DLG2: variants seen among roughly 807,000 people sequenced by gnomAD.
The protein encoded by DLG2 is disks large homolog 2.
Under a neutral mutation model 132.5 loss-of-function variants are expected in DLG2, and 45 were observed. The observed-to-expected ratio is 0.34, with a 90% CI of 0.27 to 0.44. The LOEUF (loss-of-function observed/expected upper bound fraction) is 0.44, where lower values mean the gene tolerates loss of function less well. Ranked by LOEUF, DLG2 falls within the 20% of genes least tolerant of loss-of-function variation. The probability of loss-of-function intolerance (pLI) is 1.00; values close to 1 mark genes in which losing one functional copy is unlikely to be tolerated. For missense variants in DLG2, 1,045 were observed against 1,196.9 expected (o/e 0.87, Z 1.87); for synonymous variants, 424 against 419.6 (o/e 1.01, Z -0.13).
At chr11:85,390,985 T>C (rs941125953) in intron 3 of DLG2, among the ~76,000 whole-genome samples, 2 of 151,620 alleles carry the variant, frequency 1.3e-5, no homozygotes, top group Non-Finnish European at 3.0e-5. Context: ...GCAAATGATA[T>C]ATGAAACAAA....
At chr11:85,553,102 G>A (rs1363182817) in intron 3 of DLG2, among the ~76,000 whole-genome samples, 3 of 146,230 alleles carry the variant, frequency 2.1e-5, no homozygotes, top group African/African-American at 7.7e-5. Flanking sequence ...AATATTTATT[G>A]AATGCCAGGC....
intron 6 of DLG2, among the ~76,000 whole-genome samples, chr11:84,699,432 G>T (rs2058971628): frequency 6.6e-6 from 1 of 151,522 alleles, no homozygotes; most frequent in Admixed American, 6.6e-5. Flanking sequence ...CCTCAGACTT[G>T]TCCAACAACA....
At chr11:83,879,611 A>G (rs1209020978) in intron 15 of DLG2, among the ~76,000 whole-genome samples, 1 of 152,230 alleles carries the variant, frequency 6.6e-6, no homozygotes, top group African/African-American at 2.4e-5. Flanking sequence ...CAAATTTAAC[A>G]TAATTAAAAC....
intron 6 of DLG2, among the ~76,000 whole-genome samples, chr11:84,621,029 A>C (rs1324573843): frequency 1.3e-5 from 2 of 152,148 alleles, no homozygotes; most frequent in African/African-American, 4.8e-5. Context: ...ACTACATGCA[A>C]CAATGGGGAT....
intron 7 of DLG2, among the ~76,000 whole-genome samples, chr11:84,424,513 T>C (rs1320038885): frequency 6.6e-6 from 1 of 152,108 alleles, no homozygotes; most frequent in Non-Finnish European, 1.5e-5. Context: ...ATAGTGCCTA[T>C]GAGACAGGCA....
chr11:85,049,697 C>T (rs949703198), intron 6 of DLG2, among the ~76,000 whole-genome samples: 2 of 151,968 alleles, frequency 1.3e-5, no homozygotes, highest in Admixed American at 6.6e-5. Context: ...TAAACCGGGA[C>T]GTAAGTGAAT....
chr11:84,626,632 G>T (rs906614792), intron 6 of DLG2, among the ~76,000 whole-genome samples: 6 of 152,080 alleles, frequency 3.9e-5, no homozygotes, highest in African/African-American at 1.4e-4. Flanking sequence ...AATGAAAAAG[G>T]CACTGCTTAT....
chr11:83,767,427 A>G (rs1328251224), intron 18 of DLG2, among the ~76,000 whole-genome samples: 1 of 152,202 alleles, frequency 6.6e-6, no homozygotes, highest in African/African-American at 2.4e-5. Context: ...AAGGAAGACC[A>G]TGGCAAATAA....
intron 4 of DLG2, among the ~76,000 whole-genome samples, chr11:85,277,152 C>T (rs946478308): frequency 2.6e-5 from 4 of 152,052 alleles, no homozygotes; most frequent in African/African-American, 9.7e-5. Flanking sequence ...AAGGAGATGG[C>T]ACAATAATCT....
chr11:85,306,823 T>C (rs1465163363), intron 3 of DLG2, among the ~76,000 whole-genome samples: 2 of 152,110 alleles, frequency 1.3e-5, no homozygotes, highest in Non-Finnish European at 2.9e-5. Context: ...CCGCCCACCT[T>C]GGCCTCCCAA....
intron 19 of DLG2, among the ~76,000 whole-genome samples, chr11:83,585,478 T>G (rs973358537): frequency 1.3e-5 from 2 of 152,214 alleles, no homozygotes; most frequent in African/African-American, 4.8e-5. Flanking sequence ...CCTCAACTAC[T>G]TATACTGGTG....
chr11:84,094,048 G>A (rs2097134399), intron 10 of DLG2, among the ~76,000 whole-genome samples: 1 of 151,654 alleles, frequency 6.6e-6, no homozygotes, highest in African/African-American at 2.4e-5. Context: ...GTATACATGT[G>A]CCATGCTGGT....
chr11:84,522,317 G>C (rs1267327119), intron 7 of DLG2, among the ~76,000 whole-genome samples: 1 of 152,150 alleles, frequency 6.6e-6, no homozygotes, highest in Non-Finnish European at 1.5e-5. Context: ...TTCAATTACT[G>C]TAATTTCAAG....
chr11:84,219,991 G>A (rs2096891740), intron 8 of DLG2, among the ~76,000 whole-genome samples: 1 of 152,172 alleles, frequency 6.6e-6, no homozygotes, highest in South Asian at 2.1e-4. Flanking sequence ...TGTTCCACCT[G>A]TCAGGAATAC....
chr11:83,649,704 G>C (rs1266658840), intron 18 of DLG2, among the ~76,000 whole-genome samples: 2 of 152,022 alleles, frequency 1.3e-5, no homozygotes, highest in African/African-American at 4.8e-5. Context: ...TTGCTCCCTG[G>C]GAAAATCACT....
At chr11:83,753,899 T>C (rs1242151070) in intron 18 of DLG2, among the ~76,000 whole-genome samples, 1 of 128,292 alleles carries the variant, frequency 7.8e-6, no homozygotes, top group Admixed American at 8.4e-5. Flanking sequence ...ATATCATATA[T>C]ATATTTCATA....
At chr11:83,694,956 G>A (rs772473406) in intron 18 of DLG2, among the ~76,000 whole-genome samples, 4 of 152,226 alleles carry the variant, frequency 2.6e-5, no homozygotes, top group Non-Finnish European at 5.9e-5. Context: ...GACACATTCA[G>A]TGGCCCCGTC....
intron 21 of DLG2, 36 bp from the exon 22 acceptor site, chr11:83,484,264 G>T: frequency 2.0e-6 from 3 of 1,475,754 alleles, no homozygotes; most frequent in Non-Finnish European, 2.8e-6. Flanking sequence ...AAAAACAGGG[G>T]ACGTCTAATT....
chr11:83,830,394 T>C (rs1016806720), intron 17 of DLG2, among the ~76,000 whole-genome samples: 15 of 152,222 alleles, frequency 9.9e-5, no homozygotes, highest in Non-Finnish European at 1.8e-4. Flanking sequence ...CTCTCACATG[T>C]ATGGAGGTTA....
Sources: gnomAD v4.1 joint callset for allele counts (sites outside exome capture counted in the v4.1 genomes callset) on GRCh38, gnomAD v4.1.1 for gene constraint, MANE v1.5 for transcripts, NCBI Gene and HGNC (gene_info 2026-07-23, HGNC 2026-07-21) for gene names.